The following CCDC88A variants were observed in gnomAD, a reference collection of about 807,000 sequenced individuals.
CCDC88A encodes coiled-coil and HOOK domain protein 88A.
In CCDC88A, 54 loss-of-function variants were observed where a neutral mutation model predicts 234.3. The ratio of observed to expected loss-of-function variants is 0.23; its 90% CI spans 0.19 to 0.29. The LOEUF (loss-of-function observed/expected upper bound fraction) is 0.29, where lower values mean the gene tolerates loss of function less well. CCDC88A is among the 10% of genes least tolerant of loss of function. The pLI, the probability that CCDC88A is intolerant of heterozygous loss-of-function variation, is 1.00. For synonymous variants in CCDC88A, 753 were observed against 737.8 expected (o/e 1.02, Z -0.33); for missense variants, 1,832 against 2,123.4 (o/e 0.86, Z 2.70).
intron 7 of CCDC88A, chr2:55,356,458 C>CAAATCAATTATGATGAAAAT (rs1553414601): frequency 6.6e-6 from 1 of 151,272 alleles, no homozygotes; most frequent in African/African-American, 2.4e-5. Flanking sequence ...GTTTTTTTAA[C>CAAATCAATTATGATGAAAAT]AAAAGAAATC....
intron 2 of CCDC88A, among the ~76,000 whole-genome samples, chr2:55,396,503 C>G (rs908442216): frequency 6.6e-6 from 1 of 152,082 alleles, no homozygotes. Context: ...GCCTAGGATC[C>G]TAGAGCTCTT....
At chr2:55,294,946 T>G (rs1373885721) in intron 31 of CCDC88A, 19 of 1,192,272 alleles carry the variant, frequency 1.6e-5, no homozygotes, top group Non-Finnish European at 7.4e-6. Flanking sequence ...GTGCAACAAT[T>G]TTAAATAAAA....
chr2:55,333,092 T>C (rs973192047), intron 15 of CCDC88A, among the ~76,000 whole-genome samples: 4 of 152,196 alleles, frequency 2.6e-5, no homozygotes, highest in African/African-American at 9.6e-5. Flanking sequence ...AGAGGCCCTA[T>C]GATACTGATC....
At chr2:55,339,330 G>T in intron 13 of CCDC88A, 134 bp downstream of exon 13, 1 of 819,426 alleles carries the variant, frequency 1.2e-6, no homozygotes, top group Non-Finnish European at 1.8e-6. Flanking sequence ...CCATATTTGT[G>T]TATATTTGAA....
At chr2:55,416,710 A>C (rs1250153212) in intron 2 of CCDC88A, among the ~76,000 whole-genome samples, 1 of 151,464 alleles carries the variant, frequency 6.6e-6, no homozygotes, top group Non-Finnish European at 1.5e-5. Context: ...ATAGAGTTAC[A>C]ACTGACACTT....
At chr2:55,381,544 C>A (rs1377188130) in intron 3 of CCDC88A, among the ~76,000 whole-genome samples, 2 of 117,184 alleles carry the variant, frequency 1.7e-5, no homozygotes, top group South Asian at 2.9e-4. Flanking sequence ...CAGAGTGAGA[C>A]CCTGTCTCAA....
intron 3 of CCDC88A, among the ~76,000 whole-genome samples, chr2:55,387,864 G>C (rs369077400): frequency 4.0e-5 from 6 of 149,816 alleles, no homozygotes; most frequent in African/African-American, 1.5e-4. Flanking sequence ...AAATTCTTCA[G>C]GAAGATTTAA....
At chr2:55,402,365 TTTTGC>T (rs1375459703) in intron 2 of CCDC88A, among the ~76,000 whole-genome samples, 1 of 152,186 alleles carries the variant, frequency 6.6e-6, no homozygotes, top group Non-Finnish European at 1.5e-5. Context: ...TGATACATTG[TTTTGC>T]TTTAAGTATA....
chr2:55,341,942 C>T (rs758281680), intron 12 of CCDC88A, among the ~76,000 whole-genome samples: 7 of 152,168 alleles, frequency 4.6e-5, no homozygotes, highest in Admixed American at 1.3e-4. Context: ...AGGAGCAAAA[C>T]TGCTGAATGC....
At chr2:55,408,561 C>CAGTGCCATGACAGTTTACA (rs1303728256) in intron 2 of CCDC88A, among the ~76,000 whole-genome samples, 3 of 152,112 alleles carry the variant, frequency 2.0e-5, no homozygotes, top group Admixed American at 2.0e-4. Flanking sequence ...ACACTCCTAC[C>CAGTGCCATGACAGTTTACA]AGTGCCATGA....
intron 2 of CCDC88A, among the ~76,000 whole-genome samples, chr2:55,416,368 GACA>G (rs1383334009): frequency 9.5e-5 from 13 of 137,086 alleles, no homozygotes; most frequent in Admixed American, 3.2e-4. Context: ...TAAGTTTTAA[GACA>G]ACATCAAAGC....
At position 55,291,702 on chromosome 2, in the gene CCDC88A, G is replaced by A. The variant is rs945500649; in HGVS notation, c.*9C>T. Reference sequence around the variant, plus strand: ...ACTTGGCCCACATGTCATGTAGTGGGTAATAGAATTAGGAGCTTTGTTGCT... The same window carrying A: ...ACTTGGCCCACATGTCATGTAGTGGATAATAGAATTAGGAGCTTTGTTGCT... On this transcript the variant is annotated 3_prime_UTR_variant, in exon 32 of 33. Coordinates refer to ENST00000436346, the MANE Select transcript of CCDC88A (RefSeq NM_001365480.1). 1 of 1,587,746 alleles carries A rather than the reference G, an allele frequency of 6.3e-7. No homozygotes were observed. Among genetic ancestry groups the A allele is most frequent in the Non-Finnish European group, 8.6e-7 (1 of 1,158,252 alleles).
At chr2:55,343,814 G>C (rs758786861) in intron 11 of CCDC88A, 22 bp from the exon 12 acceptor site, 2 of 1,568,138 alleles carry the variant, frequency 1.3e-6, no homozygotes, top group Non-Finnish European at 1.7e-6. Context: ...GCAAGGATTA[G>C]GGAGAGAAAA....
chr2:55,418,112 T>G (rs931682137), intron 2 of CCDC88A: 1 of 152,172 alleles, frequency 6.6e-6, no homozygotes, highest in African/African-American at 2.4e-5. Flanking sequence ...ACTTTCCTAC[T>G]TAGTACAAAC....
chr2:55,297,862 T>TAA (rs1442581944), intron 29 of CCDC88A, among the ~76,000 whole-genome samples: 5 of 152,120 alleles, frequency 3.3e-5, no homozygotes, highest in Admixed American at 2.0e-4. Context: ...TTTAAACATT[T>TAA]AAAAAAATTT....
chr2:55,409,429 C>T (rs555405556), intron 2 of CCDC88A, among the ~76,000 whole-genome samples: 12 of 152,290 alleles, frequency 7.9e-5, no homozygotes, highest in African/African-American at 2.9e-4. Flanking sequence ...CGAACACTGT[C>T]TCAAGAACAT....
intron 3 of CCDC88A, among the ~76,000 whole-genome samples, chr2:55,381,529 G>C (rs1369126220): frequency 8.1e-6 from 1 of 124,036 alleles, no homozygotes; most frequent in African/African-American, 3.2e-5. Context: ...CTCCAGCCTG[G>C]GCAACAGAGT....
intron 8 of CCDC88A, among the ~76,000 whole-genome samples, chr2:55,351,129 A>G: frequency 6.6e-6 from 1 of 152,066 alleles, no homozygotes; most frequent in Non-Finnish European, 1.5e-5. Flanking sequence ...TTTAAGAGAG[A>G]GGATGTCACT....
At chr2:55,383,405 G>A (rs1674930581) in intron 3 of CCDC88A, among the ~76,000 whole-genome samples, 1 of 151,988 alleles carries the variant, frequency 6.6e-6, no homozygotes, top group Non-Finnish European at 1.5e-5. Flanking sequence ...GATCACCTGA[G>A]GTCAGGAGTT....
Sources: allele counts gnomAD v4.1 joint callset (sites outside exome capture counted in the v4.1 genomes callset), GRCh38; gene constraint gnomAD v4.1.1; transcripts MANE v1.5; gene names NCBI Gene and HGNC (gene_info 2026-07-23, HGNC 2026-07-21).